The following SLC44A1 variants were observed in gnomAD, a reference collection of about 807,000 sequenced individuals.
The protein encoded by SLC44A1 is choline transporter-like protein 1.
Under a neutral mutation model 79.3 loss-of-function variants are expected in SLC44A1, and 26 were observed. That is an observed-to-expected ratio of 0.33 (90% CI 0.24 to 0.46). The LOEUF (loss-of-function observed/expected upper bound fraction) is 0.46. Among genes scored for constraint, SLC44A1 ranks in the 20% least tolerant of loss-of-function variants. The probability of loss-of-function intolerance (pLI) is 1.00; values close to 1 mark genes in which losing one functional copy is unlikely to be tolerated. For synonymous variants in SLC44A1, 263 were observed against 286.2 expected, an observed-to-expected ratio of 0.92 and a Z score of 0.82; for missense variants, 688 against 798.1, an observed-to-expected ratio of 0.86 and a Z score of 1.66.
intron 1 of SLC44A1, among the ~76,000 whole-genome samples, chr9:105,283,693 A>G (rs1162346183): frequency 6.6e-6 from 1 of 152,200 alleles, no homozygotes; most frequent in Non-Finnish European, 1.5e-5. Context: ...GAAAAGTAGT[A>G]TGGTTATTTT....
intron 15 of SLC44A1, among the ~76,000 whole-genome samples, chr9:105,419,548 A>G (rs551141725): frequency 6.6e-6 from 1 of 152,340 alleles, no homozygotes; most frequent in Non-Finnish European, 1.5e-5. Flanking sequence ...AGGTATAGCC[A>G]ACTGTTAATT....
At chr9:105,307,510 G>T (rs1351957036) in intron 2 of SLC44A1, among the ~76,000 whole-genome samples, 2 of 152,130 alleles carry the variant, frequency 1.3e-5, no homozygotes, top group Non-Finnish European at 2.9e-5. Context: ...TGCATGTGGT[G>T]GTGCATGCCT....
chr9:105,250,642 C>T (rs1275277193), intron 1 of SLC44A1, among the ~76,000 whole-genome samples: 1 of 152,166 alleles, frequency 6.6e-6, no homozygotes. Flanking sequence ...CAGAGAGATA[C>T]ATTATGAGGT....
At chr9:105,350,416 C>T (rs144399980) in intron 5 of SLC44A1, among the ~76,000 whole-genome samples, 168 of 152,196 alleles carry the variant, frequency 1.1e-3, no homozygotes, top group Middle Eastern at 3.4e-3. Flanking sequence ...TACCAAGTCT[C>T]CAAAGATGAG....
intron 1 of SLC44A1, among the ~76,000 whole-genome samples, chr9:105,263,995 C>T (rs1265124322): frequency 6.6e-6 from 1 of 151,998 alleles, no homozygotes; most frequent in African/African-American, 2.4e-5. Flanking sequence ...ATACTGCTAC[C>T]TCCTCGCTTT....
chr9:105,420,435 G>T (rs914936397), intron 15 of SLC44A1, among the ~76,000 whole-genome samples: 3 of 152,076 alleles, frequency 2.0e-5, no homozygotes, highest in Admixed American at 6.5e-5. Context: ...GAGGTAAAAG[G>T]GAGAGTTACA....
In SLC44A1 at chr9:105,334,537, A is replaced by G. The variant is rs76784342; in HGVS notation, c.270-1026A>G. Among the ~76,000 whole-genome samples, 284 of 152,318 alleles carry G rather than the reference A, an allele frequency of 1.9e-3. 1 individual carries two copies. The highest frequency in any genetic ancestry group is 6.5e-3 in the African/African-American group (269 of 41,562). On this transcript the variant is annotated intron_variant, in intron 3 of 15. Transcript: ENST00000374720. Reference sequence around the variant, plus strand: ...AGTTTAACTGTGTGAAAGGCTATTGACAGATGCATGATTTTATAAAACTTC... The same window carrying G: ...AGTTTAACTGTGTGAAAGGCTATTGGCAGATGCATGATTTTATAAAACTTC...
At chr9:105,349,499 C>A (rs1189509775) in intron 5 of SLC44A1, among the ~76,000 whole-genome samples, 2 of 151,984 alleles carry the variant, frequency 1.3e-5, no homozygotes, top group Non-Finnish European at 2.9e-5. Context: ...ATTGAAAAAT[C>A]AAAATTTAAA....
intron 13 of SLC44A1, among the ~76,000 whole-genome samples, chr9:105,377,346 C>T (rs1437837598): frequency 6.6e-6 from 1 of 152,108 alleles, no homozygotes; most frequent in Non-Finnish European, 1.5e-5. Flanking sequence ...AAGATGTTAA[C>T]AATGATTGCT....
At chr9:105,431,725 A>G (rs1036478052) in intron 15 of SLC44A1, among the ~76,000 whole-genome samples, 3 of 152,230 alleles carry the variant, frequency 2.0e-5, no homozygotes, top group African/African-American at 7.2e-5. Context: ...TCTGAAGCCT[A>G]GTAATTTTTA....
At position 105,335,549 on chromosome 9, in the gene SLC44A1, T is replaced by C. The variant is rs375903291; in HGVS notation, c.270-14T>C. 10 of 1,603,584 alleles carry C rather than the reference T, an allele frequency of 6.2e-6. No individual in the cohort carries two copies. The highest frequency in any genetic ancestry group is 5.4e-5 in the African/African-American group (4 of 74,602). ...TTGTGAAGTAATATCTCAGTTTTTT[T>C]CTCCATGCTTTAGGTATGTATTCTT... On this transcript the variant is annotated splice_polypyrimidine_tract_variant and intron_variant, in intron 3 of 15. Coordinates refer to ENST00000374720, the MANE Select transcript of SLC44A1 (RefSeq NM_080546.5).
intron 9 of SLC44A1, among the ~76,000 whole-genome samples, 176 bp downstream of exon 9, chr9:105,363,183 G>A (rs1450171929): frequency 1.3e-5 from 2 of 150,732 alleles, no homozygotes; most frequent in Admixed American, 6.6e-5. Context: ...TTTTTTTTGA[G>A]ACAGAGTCTT....
Position 105,383,280 on chromosome 9 carries a change from T to G in SLC44A1, c.1790T>G (p.Leu597Ter), listed in dbSNP as rs1828531711. Residue 597 changes from leucine to a stop codon, truncating the protein, a stop_gained, in exon 14 of 16, where the codon TTA (leucine) becomes TGA (stop). Transcript: ENST00000374720. LOFTEE classifies it high-confidence loss of function. ...ATTTATGAAATGGTAGTGGATGTAT[T>G]ATTCTTGTGTTTTGCCATTGATACA... Reference protein sequence around the residue: ...LSIYEMVVDVLFLCFAIDTKY... With the variant: ...LSIYEMVVDV The G allele has an allele frequency of 6.2e-7, 1 of 1,613,866 alleles. No homozygotes were observed. The highest frequency in any genetic ancestry group is 8.5e-7 in the Non-Finnish European group (1 of 1,179,852).
intron 1 of SLC44A1, among the ~76,000 whole-genome samples, chr9:105,256,380 A>G (rs959384608): frequency 6.6e-6 from 1 of 152,092 alleles, no homozygotes; most frequent in Non-Finnish European, 1.5e-5. Context: ...CCAGCTGCAT[A>G]TGACAGAAAA....
intron 1 of SLC44A1, among the ~76,000 whole-genome samples, chr9:105,278,983 G>T (rs1383732715): frequency 6.6e-6 from 1 of 152,108 alleles, no homozygotes; most frequent in Admixed American, 6.5e-5. Context: ...ATGAGGTAAT[G>T]CTTGTCAAAG....
chr9:105,255,093 GTT>G, intron 1 of SLC44A1, among the ~76,000 whole-genome samples: 1 of 141,870 alleles, frequency 7.0e-6, no homozygotes, highest in African/African-American at 2.7e-5. Context: ...TTACTTTCAG[GTT>G]TTTTTGTTTT....
At chr9:105,351,937 A>T (rs1430376352) in intron 5 of SLC44A1, among the ~76,000 whole-genome samples, 3 of 152,196 alleles carry the variant, frequency 2.0e-5, no homozygotes. Context: ...TCTATACCAC[A>T]GTGAGTGTTC....
At chr9:105,309,671 C>G (rs1275488708) in intron 2 of SLC44A1, 53 bp from the exon 3 acceptor site, 3 of 1,543,104 alleles carry the variant, frequency 1.9e-6, no homozygotes, top group Non-Finnish European at 2.7e-6. Context: ...CAACTAGTGA[C>G]TGTTGGCTAT....
chr9:105,386,283 A>G (rs1477781914), intron 15 of SLC44A1: 2 of 958,456 alleles, frequency 2.1e-6, no homozygotes, highest in Non-Finnish European at 2.5e-6. Flanking sequence ...AGATGCCTCT[A>G]TCATATATTG....
Sources: gnomAD v4.1 joint callset for allele counts (sites outside exome capture counted in the v4.1 genomes callset) on GRCh38, gnomAD v4.1.1 for gene constraint, MANE v1.5 for transcripts, NCBI Gene and HGNC (gene_info 2026-07-23, HGNC 2026-07-21) for gene names.